Variants in GPHN observed in about 807,000 individuals in gnomAD.
GPHN encodes the protein gephyrin.
In GPHN, 17 loss-of-function variants were observed where a neutral mutation model predicts 95.5. The observed-to-expected ratio is 0.18, with a 90% CI of 0.12 to 0.27. The LOEUF (loss-of-function observed/expected upper bound fraction) is 0.27. Ranked by LOEUF, GPHN falls within the 10% of genes least tolerant of loss-of-function variation. The pLI is 1.00. For synonymous variants in GPHN, 320 were observed against 322.5 expected, an observed-to-expected ratio of 0.99 and a Z score of 0.08; for missense variants, 660 against 978.1, an observed-to-expected ratio of 0.67 and a Z score of 4.34.
At chr14:66,689,689 A>T (rs2067647325) in intron 2 of GPHN, among the ~76,000 whole-genome samples, 1 of 152,128 alleles carries the variant, frequency 6.6e-6, no homozygotes, top group Admixed American at 6.6e-5. Flanking sequence ...AGGCTTTTTT[A>T]AAATTACAAA....
the GPHN span, chr14:67,715,296 A>T: frequency 6.6e-6 from 1 of 151,876 alleles, no homozygotes; most frequent in African/African-American, 2.4e-5. Flanking sequence ...ATGATGTTTT[A>T]TTTCATAAGC....
At chr14:66,833,128 C>G (rs1332976322) in intron 4 of GPHN, among the ~76,000 whole-genome samples, 2 of 152,072 alleles carry the variant, frequency 1.3e-5, no homozygotes, top group African/African-American at 4.8e-5. Flanking sequence ...AAGACGTACA[C>G]AAGTCTGGGT....
chr14:66,827,773 T>A (rs2061436321), intron 4 of GPHN, among the ~76,000 whole-genome samples: 1 of 152,108 alleles, frequency 6.6e-6, no homozygotes, highest in African/African-American at 2.4e-5. Context: ...TCATATTTGA[T>A]CTCTTCCATC....
chr14:67,285,855 G>A, the GPHN span, among the ~76,000 whole-genome samples: 1 of 152,128 alleles, frequency 6.6e-6, no homozygotes, highest in South Asian at 2.1e-4. Flanking sequence ...GGAGGACAGA[G>A]TTTACGAGGG....
chr14:67,359,095 CCT>C, the GPHN span, among the ~76,000 whole-genome samples: 1 of 152,166 alleles, frequency 6.6e-6, no homozygotes, highest in Non-Finnish European at 1.5e-5. Flanking sequence ...ACAGGGATAT[CCT>C]CTCACAGCAG....
At chr14:67,291,964 AC>A in the GPHN span, among the ~76,000 whole-genome samples, 1 of 152,324 alleles carries the variant, frequency 6.6e-6, no homozygotes, top group South Asian at 2.1e-4. Flanking sequence ...AGAATCTCAG[AC>A]AAATTTATAT....
intron 9 of GPHN, among the ~76,000 whole-genome samples, chr14:66,983,966 T>C (rs2070856649): frequency 6.6e-6 from 1 of 152,198 alleles, no homozygotes; most frequent in African/African-American, 2.4e-5. Flanking sequence ...GTTGATTTCG[T>C]TCTTAGATTT....
At chr14:67,154,497 C>T (rs2081466489) in intron 18 of GPHN, among the ~76,000 whole-genome samples, 2 of 152,084 alleles carry the variant, frequency 1.3e-5, no homozygotes, top group African/African-American at 2.4e-5. Flanking sequence ...CCATGAAATG[C>T]GTAGCACATA....
the GPHN span, chr14:67,578,277 C>G: frequency 1.5e-6 from 2 of 1,329,094 alleles, no homozygotes; most frequent in Admixed American, 1.7e-5. The surrounding 1 kb of genome is among the most constrained non-coding windows in gnomAD (Gnocchi z 5.0). Context: ...GAGGAGGTGA[C>G]TGGGCAGGTA....
At position 66,776,499 on chromosome 14, in the gene GPHN, C is replaced by G; in HGVS notation, c.179C>G (p.Pro60Arg). The G allele has an allele frequency of 6.3e-7, 1 of 1,577,030 alleles. No individual in the cohort carries two copies. ...GGTISAYKIV[P>R]DEIEEIKETL... ...ACTATATCAGCATACAAGATAGTACCAGATGAAATAGAAGAAATCAAGGTA... is the reference window on the plus strand; with the variant it reads ...ACTATATCAGCATACAAGATAGTACGAGATGAAATAGAAGAAATCAAGGTA... Residue 60 changes from proline to arginine, a missense_variant, in exon 3 of 23, where the codon CCA becomes CGA. Pro to Arg is a moderately radical substitution (Grantham distance 103). Transcript: ENST00000478722.
At chr14:67,378,823 A>C in the GPHN span, among the ~76,000 whole-genome samples, 5,229 of 152,328 alleles carry the variant, frequency 0.034, 109 homozygotes, top group East Asian at 0.06. Context: ...TTTCTGACAT[A>C]GTTGGAAACA....
intron 6 of GPHN, among the ~76,000 whole-genome samples, chr14:66,919,166 A>G (rs1333583480): frequency 6.6e-6 from 1 of 152,160 alleles, no homozygotes; most frequent in Non-Finnish European, 1.5e-5. Flanking sequence ...ATACTTTATG[A>G]TGGTAGTTAG....
At chr14:66,832,588 A>ATTTT (rs531455813) in intron 4 of GPHN, among the ~76,000 whole-genome samples, 1 of 148,616 alleles carries the variant, frequency 6.7e-6, no homozygotes, top group African/African-American at 2.5e-5. Context: ...TGAAAGCAGA[A>ATTTT]TTTTTTTTTT....
the GPHN span, among the ~76,000 whole-genome samples, chr14:67,516,598 C>T: frequency 3.3e-5 from 5 of 150,678 alleles, no homozygotes; most frequent in South Asian, 1.1e-3. Context: ...GAACCTAATA[C>T]CTAACCCTAA....
At chr14:67,119,892 G>C (rs2153690946) in intron 16 of GPHN, among the ~76,000 whole-genome samples, 1 of 152,222 alleles carries the variant, frequency 6.6e-6, no homozygotes, top group East Asian at 1.9e-4. Context: ...CACTTTGGGA[G>C]GCTGAGGCAG....
chr14:67,505,011 C>T, the GPHN span, among the ~76,000 whole-genome samples: 1 of 152,130 alleles, frequency 6.6e-6, no homozygotes, highest in African/African-American at 2.4e-5. Context: ...AGTTTTAAAA[C>T]ATCCAGTCAA....
At chr14:67,693,682 CTT>C in the GPHN span, among the ~76,000 whole-genome samples, 1 of 145,238 alleles carries the variant, frequency 6.9e-6, no homozygotes, top group East Asian at 2.0e-4. Flanking sequence ...GAGTTTTGCT[CTT>C]GTTGCCCAGG....
At chr14:67,521,367 T>TG in the GPHN span, among the ~76,000 whole-genome samples, 2 of 152,080 alleles carry the variant, frequency 1.3e-5, no homozygotes, top group African/African-American at 4.8e-5. Context: ...CACAGAGGGA[T>TG]GGAAAGGGGT....
the GPHN span, among the ~76,000 whole-genome samples, chr14:67,556,370 A>C: frequency 6.6e-6 from 1 of 152,146 alleles, no homozygotes; most frequent in African/African-American, 2.4e-5. Context: ...TGCTGGGCTC[A>C]AGCTATCCAC....
Sources: allele counts gnomAD v4.1 joint callset (sites outside exome capture counted in the v4.1 genomes callset), GRCh38; gene constraint gnomAD v4.1.1; non-coding constraint Gnocchi (gnomAD v3.1); transcripts MANE v1.5; gene names NCBI Gene and HGNC (gene_info 2026-07-23, HGNC 2026-07-21).